Variants in ZC3H13 observed in about 807,000 individuals in gnomAD.
ZC3H13 encodes zinc finger CCCH-type containing 13.
In ZC3H13, 64 loss-of-function variants were observed where a neutral mutation model predicts 204.1. The observed-to-expected ratio is 0.31, with a 90% CI of 0.26 to 0.39. The LOEUF is 0.39. Among genes scored for constraint, ZC3H13 ranks in the 10% least tolerant of loss-of-function variants. The pLI, the probability that ZC3H13 is intolerant of heterozygous loss-of-function variation, is 1.00. For synonymous variants in ZC3H13, 667 were observed against 693.7 expected (o/e 0.96, Z 0.60); for missense variants, 1,833 against 2,082.7 (o/e 0.88, Z 2.33).
rs145846015 is a variant in ZC3H13 at position 45,969,035 on chromosome 13, G to A, written c.3509C>T (p.Thr1170Met). ...TGCATCTTCTATAGTCACGTGAGGC[G>A]TCTCTACTTTTTCTACTCGTGTTCT... is the stretch of plus-strand genomic sequence containing the variant. ...CHRTRVEKVE[T>M]PHVTIEDAQH... Residue 1170 changes from threonine (T) to methionine (M), a missense_variant, in exon 14 of 19, where the codon ACG becomes ATG. By Grantham distance (81) the Thr-to-Met change is moderately conservative (BLOSUM62 -1). This residue lies in a region of ZC3H13 where 1,574 missense variants were observed against 1,757.2 expected (regional missense o/e 0.90). Transcript: ENST00000679008. 8.3e-5 allele frequency: 134 copies of A among 1,614,056 alleles called. No individual in the cohort carries two copies. The highest frequency in any genetic ancestry group is 1.6e-4 in the Middle Eastern group (1 of 6,082).
At chr13:46,032,911 T>C (rs901725948) in intron 4 of ZC3H13, among the ~76,000 whole-genome samples, 4 of 152,074 alleles carry the variant, frequency 2.6e-5, no homozygotes, top group Admixed American at 6.5e-5. Context: ...TATACAGTAA[T>C]GCTACCTTTT....
At position 45,995,222 on chromosome 13, in the gene ZC3H13, T is replaced by G. The variant is rs117699864; in HGVS notation, c.945-6125A>C. On this transcript the variant is annotated intron_variant, in intron 8 of 18. Transcript: ENST00000679008. ...GAACCACCAGCTGCTACTAAAAACC[T>G]CTCTGAAAATACTTGAGAACAGCCT... Among the ~76,000 whole-genome samples, 54 of 152,276 alleles carry G rather than the reference T, an allele frequency of 3.5e-4. No individual in the cohort carries two copies. The East Asian group carries it at 4.6e-3, about 13-fold the overall frequency.
chr13:46,026,496 G>T (rs2042552858), intron 4 of ZC3H13, among the ~76,000 whole-genome samples: 2 of 151,658 alleles, frequency 1.3e-5, no homozygotes, highest in African/African-American at 4.8e-5. Context: ...TAAAAACCAA[G>T]AACTAGAAAA....
At chr13:46,011,672 G>A in intron 5 of ZC3H13, 118 bp from the exon 6 acceptor site, 1 of 633,858 alleles carries the variant, frequency 1.6e-6, no homozygotes, top group Non-Finnish European at 2.4e-6. Flanking sequence ...CTTTCATCAG[G>A]ATCACATACT....
chr13:45,990,363 T>C (rs2039883694), intron 8 of ZC3H13, among the ~76,000 whole-genome samples: 1 of 152,168 alleles, frequency 6.6e-6, no homozygotes, highest in South Asian at 2.1e-4. Context: ...AAGGTTTCAA[T>C]CTATAAACTA....
chr13:45,965,385 C>T lies in ZC3H13; in HGVS notation c.4369G>A (p.Gly1457Ser). The change falls in exon 16 of 19, where the codon GGT becomes AGT. Residue 1457 changes from glycine to serine, a missense_variant. By Grantham distance (56) the Gly-to-Ser change is moderately conservative (BLOSUM62 0). Coordinates refer to ENST00000679008, the MANE Select transcript of ZC3H13 (RefSeq NM_001330564.2). ...ATTGGCTCGTATCCTTCTCCAGCACCAGAGCCTAATGAATGTGCATCATCT... is the reference window on the plus strand; with the variant it reads ...ATTGGCTCGTATCCTTCTCCAGCACTAGAGCCTAATGAATGTGCATCATCT... ...KLDDAHSLGS[G>S]AGEGYEPISD... 5.6e-6 allele frequency: 9 copies of T among 1,613,700 alleles called. No individual in the cohort carries two copies. The highest frequency in any genetic ancestry group is 7.6e-6 in the Non-Finnish European group (9 of 1,179,756).
At chr13:45,963,712 T>A (rs1387790958) in intron 17 of ZC3H13, 130 bp downstream of exon 17, 30 of 1,497,970 alleles carry the variant, frequency 2.0e-5, no homozygotes, top group Non-Finnish European at 2.6e-5. Context: ...AAATAATGAT[T>A]ATAAAATGAT....
At chr13:46,006,083 C>CA (rs147786821) in intron 7 of ZC3H13, among the ~76,000 whole-genome samples, 3 of 146,244 alleles carry the variant, frequency 2.1e-5, no homozygotes, top group African/African-American at 5.1e-5. Context: ...GGACTCTGTC[C>CA]CAAAAAAAAA....
intron 4 of ZC3H13, among the ~76,000 whole-genome samples, chr13:46,027,234 A>T (rs1031824932): frequency 3.9e-5 from 6 of 152,060 alleles, no homozygotes; most frequent in Admixed American, 6.5e-5. Flanking sequence ...CCTCCCGGGT[A>T]GCTGGGACTA....
At position 45,969,692 on chromosome 13, in the gene ZC3H13, C is replaced by T. The variant is rs1383213121; in HGVS notation, c.2852G>A (p.Arg951Gln). 8 of 1,612,738 alleles carry T rather than the reference C, an allele frequency of 5.0e-6. No homozygotes were observed. The highest frequency in any genetic ancestry group is 2.2e-5 in the East Asian group (1 of 44,870). ...HQSEDRETSD[R>Q]AHDENKKKAK... The stretch of plus-strand genomic sequence containing the variant: ...TTTCTTCTTGTTTTCATCATGAGCT[C>T]GATCAGATGTCTCTCGATCTTCAGA... The change falls in exon 14 of 19, where the codon CGA (arginine) becomes CAA (glutamine). Residue 951 changes from arginine (R) to glutamine (Q), a missense_variant. Physicochemically the swap from Arg to Gln is conservative, Grantham distance 43. Coordinates refer to ENST00000679008, the MANE Select transcript of ZC3H13 (RefSeq NM_001330564.2).
chr13:46,010,234 A>G, intron 7 of ZC3H13, 114 bp downstream of exon 7: 3 of 1,084,876 alleles, frequency 2.8e-6, no homozygotes, highest in Non-Finnish European at 3.7e-6. Context: ...TAGAACAAAA[A>G]AGCTTACATT....
chr13:45,968,357 C>T (rs918326541), intron 14 of ZC3H13, among the ~76,000 whole-genome samples: 1 of 151,818 alleles, frequency 6.6e-6, no homozygotes, highest in African/African-American at 2.4e-5. Context: ...ATTAATAGAA[C>T]TAATCACTCC....
rs552497944 is a variant in ZC3H13 at position 46,028,024 on chromosome 13, A to T, written c.340-7467T>A. On this transcript the variant is annotated intron_variant, in intron 4 of 18. Coordinates refer to ENST00000679008, the MANE Select transcript of ZC3H13 (RefSeq NM_001330564.2). ...TCAATGGTCTAAATACACCAATTAAAACACAGATATTCTCGGAGTGGATGG... is the reference window on the plus strand; with the variant it reads ...TCAATGGTCTAAATACACCAATTAATACACAGATATTCTCGGAGTGGATGG... Among the ~76,000 whole-genome samples the T allele has an allele frequency of 5.9e-5, 9 of 152,336 alleles. No homozygotes were observed. The East Asian group carries it at 1.7e-3, about 29-fold the overall frequency.
intron 9 of ZC3H13, among the ~76,000 whole-genome samples, chr13:45,987,145 C>G (rs987220013): frequency 6.6e-6 from 1 of 152,096 alleles, no homozygotes; most frequent in Non-Finnish European, 1.5e-5. Flanking sequence ...TCTTCTTTAC[C>G]TACCTCCCTA....
intron 8 of ZC3H13, chr13:46,001,427 T>C (rs2040734649): frequency 2.0e-5 from 3 of 152,288 alleles, no homozygotes; most frequent in Admixed American, 2.0e-4. Flanking sequence ...ATTTACATAA[T>C]CTTCCAGTAT....
At chr13:45,996,765 C>G (rs1176413792) in intron 8 of ZC3H13, among the ~76,000 whole-genome samples, 1 of 145,374 alleles carries the variant, frequency 6.9e-6, no homozygotes, top group Non-Finnish European at 1.5e-5. Flanking sequence ...AAAAAAAAAG[C>G]CATAAAGTAC....
At chr13:45,999,860 C>T (rs2040613003) in intron 8 of ZC3H13, among the ~76,000 whole-genome samples, 1 of 152,076 alleles carries the variant, frequency 6.6e-6, no homozygotes, top group African/African-American at 2.4e-5. Flanking sequence ...AGTCTTTGAT[C>T]CATGGGCTGT....
chr13:45,982,609 A>G (rs1953744798), intron 10 of ZC3H13, among the ~76,000 whole-genome samples: 2 of 152,204 alleles, frequency 1.3e-5, no homozygotes, highest in Admixed American at 6.5e-5. Flanking sequence ...TACAGGCTGA[A>G]TGCCCTTTAT....
chr13:46,008,490 T>C (rs1010178984), intron 7 of ZC3H13, among the ~76,000 whole-genome samples: 7 of 152,252 alleles, frequency 4.6e-5, no homozygotes, highest in Admixed American at 2.6e-4. Context: ...TGTGAATGAT[T>C]ATTCATGACA....
Sources: gnomAD v4.1 joint callset for allele counts (sites outside exome capture counted in the v4.1 genomes callset) on GRCh38, gnomAD v4.1.1 for gene constraint, gnomAD v4.1.1 regional missense constraint, MANE v1.5 for transcripts, NCBI Gene and HGNC (gene_info 2026-07-23, HGNC 2026-07-21) for gene names.